The following BTAF1 variants were observed in gnomAD, a reference collection of about 807,000 sequenced individuals.
BTAF1 encodes TATA-binding protein-associated factor 172.
A neutral mutation model predicts 227.1 loss-of-function variants in BTAF1; 38 were observed. That is an observed-to-expected ratio of 0.17 (90% CI 0.13 to 0.22). The LOEUF (loss-of-function observed/expected upper bound fraction) is 0.22, where lower values mean the gene tolerates loss of function less well. Ranked by LOEUF, BTAF1 falls within the 10% of genes least tolerant of loss-of-function variation. The pLI, the probability that BTAF1 is intolerant of heterozygous loss-of-function variation, is 1.00. For synonymous variants in BTAF1, 742 were observed against 751.9 expected (o/e 0.99, Z 0.21); for missense variants, 1,598 against 2,204.0 (o/e 0.73, Z 5.51).
intron 13 of BTAF1, among the ~76,000 whole-genome samples, chr10:91,965,434 A>G (rs1846834628): frequency 6.6e-6 from 1 of 152,202 alleles, no homozygotes. Flanking sequence ...TAAGAGAATG[A>G]ACGTGCCTGT....
chr10:91,944,435 T>C (rs1845226314), intron 4 of BTAF1, among the ~76,000 whole-genome samples: 1 of 152,228 alleles, frequency 6.6e-6, no homozygotes, highest in Non-Finnish European at 1.5e-5. Context: ...TCGCCTGGAA[T>C]GAGAGGACCA....
chr10:91,962,761 A>C, intron 12 of BTAF1, 83 bp downstream of exon 12: 1 of 1,285,290 alleles, frequency 7.8e-7, no homozygotes, highest in Non-Finnish European at 1.0e-6. Flanking sequence ...CATTGTGTAC[A>C]TTTTTCTCCT....
chr10:92,024,055 CTCAT>C (rs1444947226), intron 34 of BTAF1, among the ~76,000 whole-genome samples: 4 of 152,178 alleles, frequency 2.6e-5, no homozygotes, highest in Non-Finnish European at 5.9e-5. Flanking sequence ...ATTTTATTCG[CTCAT>C]TTATTAATTG....
chr10:92,016,537 G>A (rs1850740757), intron 33 of BTAF1, 72 bp downstream of exon 33: 2 of 1,335,948 alleles, frequency 1.5e-6, no homozygotes, highest in South Asian at 3.3e-5. Context: ...AGAGTGCAGT[G>A]GCATGATCTC....
In BTAF1 at chr10:91,931,079, TTTC is replaced by T. The variant is rs369936700; in HGVS notation, c.15-4575_15-4573del. 2.5e-4 allele frequency among the ~76,000 whole-genome samples: 38 copies of T among 152,342 alleles called. No individual in the cohort carries two copies. The South Asian group carries it at 7.5e-3, about 30-fold the overall frequency. On this transcript the variant is annotated intron_variant, in intron 1 of 37. Coordinates refer to ENST00000265990, the MANE Select transcript of BTAF1 (RefSeq NM_003972.3). ...GTTTTATTGTTTAAAATGCATGACA[TTTC>T]TTTCTGTTTATTTTTATGGCTTTAC...
rs1172313374 is a variant in BTAF1, at chr10:91,991,826, TATATATACACAC to T, written c.2855-279_2855-268del. On this transcript the variant is annotated intron_variant, in intron 20 of 37. Transcript: ENST00000265990. ...ATATATATATATATATATATATATA[TATATATACACAC>T]ATATATACACACACAAACACATTAA... Among the ~76,000 whole-genome samples, 12 of 124,348 alleles carry T rather than the reference TATATATACACAC, an allele frequency of 9.7e-5. No individual in the cohort carries two copies. The East Asian group carries it at 2.8e-3, about 29-fold the overall frequency. 81.6% of individuals were successfully genotyped at this position (124,348 alleles called of 152,430 possible). A position where few individuals can be genotyped will look rare whatever the true frequency, so the allele number is the denominator to read the frequency against.
In BTAF1 at chr10:91,923,873, C is replaced by T. The variant is rs368824540; in HGVS notation, c.-204C>T. The stretch of plus-strand genomic sequence containing the variant: ...TGCCGCCTCCGCTACCGTCTTGGAC[C>T]CCTGCTTACCGGCCGCCGCGGGGAC... On this transcript the variant is annotated 5_prime_UTR_variant, in exon 1 of 38. Coordinates refer to ENST00000265990, the MANE Select transcript of BTAF1 (RefSeq NM_003972.3). 1.3e-4 allele frequency: 69 copies of T among 519,590 alleles called. No homozygotes were observed. The highest frequency in any genetic ancestry group is 6.0e-4 in the South Asian group (20 of 33,276). The allele number at this position is 519,590 out of a possible 1,614,324, so 32.2% of individuals were successfully genotyped here. A position where few individuals can be genotyped will look rare whatever the true frequency, so the allele number is the denominator to read the frequency against.
At position 92,024,786 on chromosome 10, in the gene BTAF1, A is replaced by T. The variant is rs766334367; in HGVS notation, c.4894A>T (p.Ser1632Cys). 2 of 1,605,848 alleles carry T rather than the reference A, an allele frequency of 1.2e-6. No homozygotes were observed. The highest frequency in any genetic ancestry group is 1.1e-5 in the South Asian group (1 of 90,752). ...GTTGGACTGCGGTTTGGGAAATGGC[A>T]GCACTTCCGAGAGTGGCACAGAGTC... is the stretch of plus-strand genomic sequence containing the variant. ...LLLDCGLGNGSTSESGTESVV... is the reference protein window; with the variant it reads ...LLLDCGLGNGCTSESGTESVV... The change falls in exon 35 of 38, where the codon AGC becomes TGC. Residue 1632 changes from serine (S) to cysteine (C), a missense_variant. Ser to Cys is a moderately radical substitution (Grantham distance 112). Transcript: ENST00000265990.
At chr10:92,013,401 T>C (rs554315434) in intron 30 of BTAF1, among the ~76,000 whole-genome samples, 15 of 152,302 alleles carry the variant, frequency 9.8e-5, no homozygotes, top group Non-Finnish European at 2.1e-4. Context: ...ACTTCATAAA[T>C]GCCAACAGTA....
chr10:92,000,624 T>C (rs1211768020), intron 25 of BTAF1, among the ~76,000 whole-genome samples: 1 of 152,182 alleles, frequency 6.6e-6, no homozygotes, highest in African/African-American at 2.4e-5. Flanking sequence ...AATGGTGTGA[T>C]CTTGGCTCCT....
At chr10:92,006,039 A>G (rs1849856075) in intron 25 of BTAF1, among the ~76,000 whole-genome samples, 1 of 151,938 alleles carries the variant, frequency 6.6e-6, no homozygotes, top group African/African-American at 2.4e-5. Flanking sequence ...ACACCTGGCT[A>G]TTTTTTAAAA....
chr10:91,961,841 G>C (rs990980415), intron 11 of BTAF1, among the ~76,000 whole-genome samples: 4 of 152,074 alleles, frequency 2.6e-5, no homozygotes, highest in Admixed American at 1.3e-4. Flanking sequence ...AAGTGGGAAG[G>C]TATGGCTTTT....
rs769688178 is a variant in BTAF1, at chr10:91,989,422, A to G, written c.2696A>G (p.Gln899Arg). The G allele has an allele frequency of 5.6e-6, 9 of 1,614,210 alleles. No homozygotes were observed. The highest frequency in any genetic ancestry group is 7.6e-6 in the Non-Finnish European group (9 of 1,180,030). The change falls in exon 20 of 38, where the codon CAG becomes CGG. Residue 899 changes from glutamine (Q) to arginine (R), a missense_variant. Around this residue, in one of 10 missense-constraint regions of BTAF1, gnomAD observed 425 missense variants for 491.2 expected, o/e 0.87. Coordinates refer to ENST00000265990, the MANE Select transcript of BTAF1 (RefSeq NM_003972.3). ...ENTLVQNYAA[Q>R]CIAKLLQQCT... ...ACACTAGTGCAAAACTATGCAGCTC[A>G]GTGCATAGCTAAACTCCTTCAGCAG...
intron 26 of BTAF1, 97 bp from the exon 27 acceptor site, chr10:92,008,732 A>T (rs1391382496): frequency 1.7e-6 from 2 of 1,147,386 alleles, no homozygotes; most frequent in Non-Finnish European, 2.4e-6. Flanking sequence ...ATATAGAAAT[A>T]TTTTTGTTTT....
chr10:91,958,850 CTTGA>C (rs1332337018), intron 8 of BTAF1, among the ~76,000 whole-genome samples: 1 of 152,148 alleles, frequency 6.6e-6, no homozygotes, highest in African/African-American at 2.4e-5. Flanking sequence ...TGTTTTCTTG[CTTGA>C]TTTTTAAAAA....
intron 19 of BTAF1, among the ~76,000 whole-genome samples, chr10:91,984,664 A>G (rs1564694579): frequency 6.6e-6 from 1 of 152,166 alleles, no homozygotes; most frequent in Non-Finnish European, 1.5e-5. Context: ...ATATTTTGTC[A>G]TTTCAGTTTT....
At position 91,940,990 on chromosome 10, in the gene BTAF1, A is replaced by C. The variant is rs1435739981; in HGVS notation, c.253+924A>C. 2.0e-5 allele frequency among the ~76,000 whole-genome samples: 3 copies of C among 152,212 alleles called. No homozygotes were observed. In the East Asian group the frequency reaches 5.8e-4, roughly 29 times the overall value. On this transcript the variant is annotated intron_variant, in intron 3 of 37. Transcript: ENST00000265990. ...CTCCCAAAGTGCTGGGATTAGAGGC[A>C]TGAGCCACTGTGCCCGGCCTCAACT... is the stretch of plus-strand genomic sequence containing the variant.
At chr10:91,985,081 A>G (rs971078197) in intron 19 of BTAF1, among the ~76,000 whole-genome samples, 4 of 152,108 alleles carry the variant, frequency 2.6e-5, no homozygotes, top group African/African-American at 4.8e-5. Context: ...GCATATGCCT[A>G]TGAAACCTGA....
At chr10:91,926,490 C>G (rs994793405) in intron 1 of BTAF1, among the ~76,000 whole-genome samples, 3 of 152,176 alleles carry the variant, frequency 2.0e-5, no homozygotes, top group African/African-American at 7.2e-5. Context: ...TATATTCTGC[C>G]TTTCTAATCT....
Sources: gnomAD v4.1 joint callset for allele counts (sites outside exome capture counted in the v4.1 genomes callset) on GRCh38, gnomAD v4.1.1 for gene constraint, gnomAD v4.1.1 regional missense constraint, MANE v1.5 for transcripts, NCBI Gene and HGNC (gene_info 2026-07-23, HGNC 2026-07-21) for gene names.